The following JPH3 variants were observed in gnomAD, a reference collection of about 807,000 sequenced individuals.
The protein encoded by JPH3 is junctophilin-3.
Under a neutral mutation model 59.6 loss-of-function variants are expected in JPH3, and 11 were observed. That is an observed-to-expected ratio of 0.18 (90% CI 0.12 to 0.31). The LOEUF (loss-of-function observed/expected upper bound fraction) is 0.31, where lower values mean the gene tolerates loss of function less well. Among genes scored for constraint, JPH3 ranks in the 10% least tolerant of loss-of-function variants. The pLI, the probability that JPH3 is intolerant of heterozygous loss-of-function variation, is 1.00. For missense variants in JPH3, 1,202 were observed against 1,105.7 expected (o/e 1.09, Z -1.24); for synonymous variants, 673 against 483.6 (o/e 1.39, Z -5.14).
chr16:87,677,537 C>G (rs1392887024), intron 2 of JPH3, among the ~76,000 whole-genome samples: 1 of 152,220 alleles, frequency 6.6e-6, no homozygotes. Flanking sequence ...CTACAAGGGT[C>G]CTCCTTACTA....
chr16:87,660,432 G>A (rs2150858750), intron 2 of JPH3, among the ~76,000 whole-genome samples: 1 of 152,258 alleles, frequency 6.6e-6, no homozygotes, highest in Non-Finnish European at 1.5e-5. Context: ...CTCTCCCAGG[G>A]CTCTGTCCCC....
intron 2 of JPH3, among the ~76,000 whole-genome samples, chr16:87,649,849 C>G (rs975969021): frequency 6.6e-6 from 1 of 152,174 alleles, no homozygotes; most frequent in Non-Finnish European, 1.5e-5. Context: ...CGGGGTGGCC[C>G]ATGTGAAAGC....
intron 1 of JPH3, among the ~76,000 whole-genome samples, chr16:87,619,278 A>T (rs2031083992): frequency 6.7e-6 from 1 of 149,546 alleles, no homozygotes; most frequent in Non-Finnish European, 1.5e-5. Context: ...ACGCCACTGC[A>T]TTCCAGCCTG....
At chr16:87,633,444 C>T (rs557499745) in intron 1 of JPH3, among the ~76,000 whole-genome samples, 25 of 151,192 alleles carry the variant, frequency 1.7e-4, no homozygotes, top group Admixed American at 3.3e-4. Context: ...TAGTGAATTC[C>T]GGCAGACATA....
At chr16:87,670,984 G>T (rs1159444587) in intron 2 of JPH3, among the ~76,000 whole-genome samples, 1 of 152,178 alleles carries the variant, frequency 6.6e-6, no homozygotes, top group Non-Finnish European at 1.5e-5. Flanking sequence ...TCCCGCCAAG[G>T]TGAGGGTAGC....
chr16:87,656,903 T>G (rs909015690), intron 2 of JPH3, among the ~76,000 whole-genome samples: 2 of 152,196 alleles, frequency 1.3e-5, no homozygotes, highest in African/African-American at 4.8e-5. Flanking sequence ...TCGGGCTCCT[T>G]CTCGCTCTGT....
chr16:87,669,696 G>A (rs538454328), intron 2 of JPH3, among the ~76,000 whole-genome samples: 2 of 152,304 alleles, frequency 1.3e-5, no homozygotes, highest in African/African-American at 4.8e-5. Context: ...CCTGGTCAGA[G>A]CGGGAGGCAG....
chr16:87,619,074 TAAGA>T (rs2150827547), intron 1 of JPH3, among the ~76,000 whole-genome samples: 1 of 119,210 alleles, frequency 8.4e-6, no homozygotes, highest in East Asian at 2.5e-4. Flanking sequence ...GGCAACAGAG[TAAGA>T]CTCTGTCTCA....
In JPH3 at chr16:87,644,764, C is replaced by T. The variant is rs772099172; in HGVS notation, c.889C>T (p.Arg297Cys). Reference protein sequence around the residue: ...TYVGEWKNDKRSGFGVSQRSD... With the variant: ...TYVGEWKNDKCSGFGVSQRSD... ...CGTGGGCGAGTGGAAGAACGACAAA[C>T]GCTCCGGCTTCGGCGTGAGCCAGCG... The change falls in exon 2 of 5, where the codon CGC becomes TGC. Residue 297 changes from arginine to cysteine, a missense_variant. Transcript: ENST00000284262. 8.1e-6 allele frequency: 13 copies of T among 1,613,310 alleles called. No individual in the cohort carries two copies. Among genetic ancestry groups the T allele is most frequent in the South Asian group, 1.1e-5 (1 of 91,068 alleles).
At chr16:87,677,717 G>A (rs1291672142) in intron 2 of JPH3, among the ~76,000 whole-genome samples, 1 of 152,234 alleles carries the variant, frequency 6.6e-6, no homozygotes, top group Non-Finnish European at 1.5e-5. Flanking sequence ...TGGGCTGGAA[G>A]GCTCCTTACA....
At chr16:87,629,362 G>T (rs115264062) in intron 1 of JPH3, among the ~76,000 whole-genome samples, 3,551 of 151,612 alleles carry the variant, frequency 0.023, 88 homozygotes, top group African/African-American at 0.064. Flanking sequence ...TAAAGATAAC[G>T]TATATTTGAT....
chr16:87,668,476 G>A (rs972447563), intron 2 of JPH3, among the ~76,000 whole-genome samples: 1 of 152,194 alleles, frequency 6.6e-6, no homozygotes, highest in Admixed American at 6.5e-5. Flanking sequence ...TCCCTGTTAA[G>A]GAGAAGCTTC....
chr16:87,645,181 G>C (rs1327243515), intron 2 of JPH3, 146 bp downstream of exon 2: 12 of 826,432 alleles, frequency 1.5e-5, no homozygotes, highest in Non-Finnish European at 2.2e-5. Flanking sequence ...TGCCCCCATG[G>C]AACCCTAGGG....
At chr16:87,621,419 G>A (rs934122) in intron 1 of JPH3, among the ~76,000 whole-genome samples, 2,543 of 152,322 alleles carry the variant, frequency 0.017, 80 homozygotes, top group African/African-American at 0.058. Context: ...GTCTGGGCCT[G>A]GTTCTGAGCC....
At chr16:87,616,238 ATTT>A (rs558660188) in intron 1 of JPH3, among the ~76,000 whole-genome samples, 1 of 32,500 alleles carries the variant, frequency 3.1e-5, no homozygotes, top group East Asian at 1.1e-3. Flanking sequence ...GTGTGTGTGT[ATTT>A]TTTTTTTTTT....
chr16:87,686,323 G>GGTCCCTGCAGGAGGGGCCT, intron 3 of JPH3, among the ~76,000 whole-genome samples: 1 of 151,354 alleles, frequency 6.6e-6, no homozygotes, highest in Non-Finnish European at 1.5e-5. Flanking sequence ...GGAGGGCTCA[G>GGTCCCTGCAGGAGGGGCCT]TCCTGGAGTC....
chr16:87,674,237 G>A (rs2033089234), intron 2 of JPH3, among the ~76,000 whole-genome samples: 1 of 152,174 alleles, frequency 6.6e-6, no homozygotes, highest in Non-Finnish European at 1.5e-5. Flanking sequence ...GGGAGTGTGA[G>A]GCAGGAGAAT....
At chr16:87,659,865 A>T (rs1037846293) in intron 2 of JPH3, among the ~76,000 whole-genome samples, 2 of 152,130 alleles carry the variant, frequency 1.3e-5, no homozygotes, top group Admixed American at 1.3e-4. Flanking sequence ...GGACCCTTGA[A>T]ACACTAACTC....
At chr16:87,668,763 C>G (rs995208733) in intron 2 of JPH3, among the ~76,000 whole-genome samples, 4 of 152,168 alleles carry the variant, frequency 2.6e-5, no homozygotes, top group African/African-American at 2.4e-5. Flanking sequence ...CACACCATCA[C>G]AGGCCAAAGA....
Sources: gnomAD v4.1 joint callset for allele counts (sites outside exome capture counted in the v4.1 genomes callset) on GRCh38, gnomAD v4.1.1 for gene constraint, MANE v1.5 for transcripts, NCBI Gene and HGNC (gene_info 2026-07-23, HGNC 2026-07-21) for gene names.